Variants in TMEM232 observed in about 807,000 individuals in gnomAD.
TMEM232 encodes the protein transmembrane protein 232.
In TMEM232, 80 loss-of-function variants were observed where a neutral mutation model predicts 78.8. The ratio of observed to expected loss-of-function variants is 1.01; its 90% CI spans 0.85 to 1.22. The LOEUF (loss-of-function observed/expected upper bound fraction) is 1.22, where lower values mean the gene tolerates loss of function less well. TMEM232 is among the 50% of genes most tolerant of loss of function. TMEM232 has a pLI of 0.00. For synonymous variants in TMEM232, 297 were observed against 254.3 expected (o/e 1.17, Z -1.60); for missense variants, 881 against 742.2 (o/e 1.19, Z -2.17).
chr5:110,656,268 A>G (rs766822651), intron 2 of TMEM232, among the ~76,000 whole-genome samples: 5 of 152,156 alleles, frequency 3.3e-5, no homozygotes, highest in Non-Finnish European at 5.9e-5. Context: ...TTTCAAGTTG[A>G]TCATAGTGTA....
intron 2 of TMEM232, among the ~76,000 whole-genome samples, chr5:110,414,198 C>T (rs764694216): frequency 1.2e-4 from 18 of 152,166 alleles, no homozygotes; most frequent in Non-Finnish European, 2.6e-4. Context: ...TTGTTCTTCA[C>T]TTGTCTCTAC....
chr5:110,666,008 C>G (rs138565227), intron 2 of TMEM232, among the ~76,000 whole-genome samples: 3,674 of 151,874 alleles, frequency 0.024, 47 homozygotes, highest in African/African-American at 0.032. Flanking sequence ...TTATAGTAAG[C>G]TATAGGTTAT....
At chr5:110,555,393 T>G (rs1164863029) in intron 11 of TMEM232, among the ~76,000 whole-genome samples, 1 of 152,212 alleles carries the variant, frequency 6.6e-6, no homozygotes, top group Non-Finnish European at 1.5e-5. Context: ...TTTGTACTTT[T>G]AATTTGTTGA....
At chr5:110,458,614 A>C (rs1761152109) in intron 12 of TMEM232, among the ~76,000 whole-genome samples, 1 of 152,130 alleles carries the variant, frequency 6.6e-6, no homozygotes, top group African/African-American at 2.4e-5. Flanking sequence ...CTAGCAACTA[A>C]TCTCATGGAA....
At chr5:110,541,155 T>C (rs1354297977) in intron 11 of TMEM232, among the ~76,000 whole-genome samples, 1 of 152,122 alleles carries the variant, frequency 6.6e-6, no homozygotes, top group Non-Finnish European at 1.5e-5. Context: ...TCTTTCCATA[T>C]AGGGAGAGAT....
intron 2 of TMEM232, among the ~76,000 whole-genome samples, chr5:110,646,283 A>G (rs1787465569): frequency 1.3e-5 from 2 of 151,876 alleles, no homozygotes; most frequent in Admixed American, 6.6e-5. Flanking sequence ...ATCTTGTGCA[A>G]GATGAACAAA....
chr5:110,678,536 CAA>C (rs1792319894), intron 1 of TMEM232, among the ~76,000 whole-genome samples: 1 of 152,074 alleles, frequency 6.6e-6, no homozygotes. Context: ...CATAATTACC[CAA>C]AGTCCATAGT....
intron 12 of TMEM232, among the ~76,000 whole-genome samples, chr5:110,477,947 A>G (rs2149389032): frequency 6.6e-6 from 1 of 152,038 alleles, no homozygotes; most frequent in Non-Finnish European, 1.5e-5. Context: ...CATCTCAAAT[A>G]TATTCTTAAT....
chr5:110,717,095 T>A (rs1797088508), intron 1 of TMEM232, among the ~76,000 whole-genome samples: 1 of 152,066 alleles, frequency 6.6e-6, no homozygotes, highest in Non-Finnish European at 1.5e-5. Context: ...GAACAAAAAC[T>A]GTAAAATTTA....
intron 11 of TMEM232, among the ~76,000 whole-genome samples, chr5:110,534,955 C>G (rs1454076882): frequency 6.6e-6 from 1 of 152,150 alleles, no homozygotes; most frequent in Non-Finnish European, 1.5e-5. Context: ...CTTCCTTCAG[C>G]TTAATCTCTC....
intron 1 of TMEM232, among the ~76,000 whole-genome samples, chr5:110,687,379 A>G (rs1368351292): frequency 6.6e-6 from 1 of 152,058 alleles, no homozygotes; most frequent in Non-Finnish European, 1.5e-5. Context: ...ATCTGACCCA[A>G]ATAAACTCTC....
intron 10 of TMEM232, among the ~76,000 whole-genome samples, chr5:110,594,741 C>T (rs890771759): frequency 5.9e-5 from 9 of 152,214 alleles, no homozygotes; most frequent in African/African-American, 2.2e-4. Flanking sequence ...CTAGATTCCT[C>T]CTCACTGGGC....
At chr5:110,681,712 A>C (rs1792772432) in intron 1 of TMEM232, among the ~76,000 whole-genome samples, 1 of 152,234 alleles carries the variant, frequency 6.6e-6, no homozygotes, top group South Asian at 2.1e-4. Flanking sequence ...TTACAGTTAC[A>C]AGTTTAAGTG....
chr5:110,600,527 A>G (rs149791356), intron 10 of TMEM232, among the ~76,000 whole-genome samples: 5,216 of 152,292 alleles, frequency 0.034, 127 homozygotes, highest in African/African-American at 0.065. Context: ...AGAGAATACT[A>G]TAAACACCTT....
At chr5:110,410,798 G>C (rs553556103) in intron 2 of TMEM232, among the ~76,000 whole-genome samples, 1 of 152,200 alleles carries the variant, frequency 6.6e-6, no homozygotes, top group African/African-American at 2.4e-5. Flanking sequence ...CAGAGAGGTG[G>C]GTCAACTGGT....
rs951442229 is a variant in TMEM232, at chr5:110,428,053, A to C, written c.1704-3137T>G. Among the ~76,000 whole-genome samples the C allele has an allele frequency of 7.9e-5, 12 of 151,620 alleles. 1 individual carries two copies. In the East Asian group the frequency reaches 9.7e-4, roughly 12 times the overall value. ...AATTAAGTTATTGTTAACTATAGTC[A>C]CTCCATTGTGCTGTCAAATAGTAGG... On this transcript the variant is annotated intron_variant, in intron 12 of 13. Coordinates refer to ENST00000455884, the MANE Select transcript of TMEM232 (RefSeq NM_001039763.4).
At chr5:110,515,642 G>A (rs188461224) in intron 12 of TMEM232, among the ~76,000 whole-genome samples, 2 of 152,228 alleles carry the variant, frequency 1.3e-5, no homozygotes, top group African/African-American at 2.4e-5. Context: ...TTCTGCTAAC[G>A]GTTGACTTCT....
intron 12 of TMEM232, among the ~76,000 whole-genome samples, chr5:110,503,604 C>T (rs1766517033): frequency 6.6e-6 from 1 of 152,016 alleles, no homozygotes; most frequent in Non-Finnish European, 1.5e-5. Context: ...TGATTGATTC[C>T]ACTTTTCATC....
At chr5:110,509,015 T>TATTTTGC (rs1767360164) in intron 12 of TMEM232, among the ~76,000 whole-genome samples, 2 of 145,808 alleles carry the variant, frequency 1.4e-5, no homozygotes, top group Non-Finnish European at 3.0e-5. Context: ...TATATGTATA[T>TATTTTGC]ATATACAATT....
Sources: allele counts gnomAD v4.1 joint callset (sites outside exome capture counted in the v4.1 genomes callset), GRCh38; gene constraint gnomAD v4.1.1; transcripts MANE v1.5; gene names NCBI Gene and HGNC (gene_info 2026-07-23, HGNC 2026-07-21).